Variants in CXCL10 observed in about 807,000 individuals in gnomAD.
CXCL10 encodes C-X-C motif chemokine 10.
In CXCL10, 6 loss-of-function variants were observed where a neutral mutation model predicts 10.8. The observed-to-expected ratio is 0.55, with a 90% CI of 0.30 to 1.09. The LOEUF is 1.09. Ranked by LOEUF, CXCL10 falls within the 50% of genes least tolerant of loss-of-function variation. CXCL10 has a pLI of 0.06. For synonymous variants in CXCL10, 35 were observed against 35.8 expected, an observed-to-expected ratio of 0.98 and a Z score of 0.08; for missense variants, 114 against 114.3, an observed-to-expected ratio of 1.00 and a Z score of 0.01.
Position 76,022,471 on chromosome 4 carries a change from G to T in CXCL10, c.189-16C>A. ...CATTGTAGCACTGTAGAAATAAATA[G>T]GGATGAAAATATTTAAAACTGTGTT... On this transcript the variant is annotated splice_polypyrimidine_tract_variant and intron_variant, in intron 2 of 3. Transcript: ENST00000306602. 1.2e-6 allele frequency: 2 copies of T among 1,604,790 alleles called. No homozygotes were observed. The highest frequency in any genetic ancestry group is 1.7e-6 in the Non-Finnish European group (2 of 1,174,044).
rs1351932981 is a variant in CXCL10, at chr4:76,022,464, A to G, written c.189-9T>C. ...TCTTTTTCATTGTAGCACTGTAGAAATAAATAGGGATGAAAATATTTAAAA... is the reference window on the plus strand; with the variant it reads ...TCTTTTTCATTGTAGCACTGTAGAAGTAAATAGGGATGAAAATATTTAAAA... On this transcript the variant is annotated splice_polypyrimidine_tract_variant and intron_variant, in intron 2 of 3. Transcript: ENST00000306602. 1.2e-6 allele frequency: 2 copies of G among 1,608,784 alleles called. No individual in the cohort carries two copies. The highest frequency in any genetic ancestry group is 1.7e-6 in the Non-Finnish European group (2 of 1,177,054).
At position 76,023,489 on chromosome 4, in the gene CXCL10, G is replaced by A; in HGVS notation, c.-58C>T. 2.7e-6 allele frequency: 4 copies of A among 1,478,442 alleles called. No individual in the cohort carries two copies. Among genetic ancestry groups the A allele is most frequent in the Non-Finnish European group, 3.8e-6 (4 of 1,056,776 alleles). 91.6% of individuals were successfully genotyped at this position (1,478,442 alleles called of 1,614,324 possible). The stretch of plus-strand genomic sequence containing the variant: ...CTCAGAATATGTCTAAGCAATTGAG[G>A]AATGTCTCAGAAAACGTGGGGCTAG... On this transcript the variant is annotated 5_prime_UTR_variant, in exon 1 of 4. Transcript: ENST00000306602.
chr4:76,021,910 G>A lies in CXCL10; in HGVS notation c.*20C>T, dbSNP rs749053183. 4 of 1,608,974 alleles carry A rather than the reference G, an allele frequency of 2.5e-6. No individual in the cohort carries two copies. In the African/African-American group the frequency reaches 4.0e-5, roughly 16 times the overall value. On this transcript the variant is annotated 3_prime_UTR_variant, in exon 4 of 4. Coordinates refer to ENST00000306602, the MANE Select transcript of CXCL10 (RefSeq NM_001565.4). Reference sequence around the variant, plus strand: ...GGTCCATCCTTGGAAGCACTGCATCGATTTTGCTCCCCTCTGGTTTTAAGG... The same window carrying A: ...GGTCCATCCTTGGAAGCACTGCATCAATTTTGCTCCCCTCTGGTTTTAAGG...
In CXCL10 at chr4:76,022,759, A is replaced by G; in HGVS notation, c.120T>C (p.Val40=). The G allele has an allele frequency of 6.2e-7, 1 of 1,613,568 alleles. No homozygotes were observed. The highest frequency in any genetic ancestry group is 1.1e-5 in the South Asian group (1 of 91,074). The change falls in exon 2 of 4, where the codon GTT becomes GTC. Residue 40 remains valine, a synonymous_variant. Transcript: ENST00000306602. The part of the protein sequence containing the change: ...CTCISISNQP[V]NPRSLEKLEI... Reference sequence around the variant, plus strand: ...CAAGTTTTTCTAAAGACCTTGGATTAACAGGTTGATTACTAATGCTGATGC... The same window carrying G: ...CAAGTTTTTCTAAAGACCTTGGATTGACAGGTTGATTACTAATGCTGATGC...
intron 2 of CXCL10, 102 bp from the exon 3 acceptor site, chr4:76,022,557 A>G (rs1259186401): frequency 2.0e-6 from 3 of 1,480,156 alleles, no homozygotes; most frequent in Middle Eastern, 1.7e-4. Context: ...TTCACTCTGC[A>G]TGTTTTTGTT....
Position 76,022,769 on chromosome 4 carries a change from T to C in CXCL10, c.110A>G (p.Asn37Ser). ...TVRCTCISIS[N>S]QPVNPRSLEK... ...TAAAGACCTTGGATTAACAGGTTGATTACTAATGCTGATGCAGGTACAGCG... is the reference window on the plus strand; with the variant it reads ...TAAAGACCTTGGATTAACAGGTTGACTACTAATGCTGATGCAGGTACAGCG... The change falls in exon 2 of 4, where the codon AAT (asparagine) becomes AGT (serine). Residue 37 changes from asparagine (N) to serine (S), a missense_variant. Transcript: ENST00000306602. 1 of 1,613,270 alleles carries C rather than the reference T, an allele frequency of 6.2e-7. No homozygotes were observed. Among genetic ancestry groups the C allele is most frequent in the East Asian group, 2.2e-5 (1 of 44,870 alleles).
At position 76,021,707 on chromosome 4, in the gene CXCL10, C is replaced by A; in HGVS notation, c.*223G>T. On this transcript the variant is annotated 3_prime_UTR_variant, in exon 4 of 4. Coordinates refer to ENST00000306602, the MANE Select transcript of CXCL10 (RefSeq NM_001565.4). Reference sequence around the variant, plus strand: ...CTCAGTAGAGCTTACATTATAGTGCCAGGGTAGAGTTATTACTGAATAGCT... The same window carrying A: ...CTCAGTAGAGCTTACATTATAGTGCAAGGGTAGAGTTATTACTGAATAGCT... 1 of 557,264 alleles carries A rather than the reference C, an allele frequency of 1.8e-6. No individual in the cohort carries two copies. Among genetic ancestry groups the A allele is most frequent in the South Asian group, 2.5e-5 (1 of 39,838 alleles). 34.5% of individuals were successfully genotyped at this position (557,264 alleles called of 1,614,324 possible). A position where few individuals can be genotyped will look rare whatever the true frequency, so the allele number is the denominator to read the frequency against.
At chr4:76,022,890 A>G (rs968093016) in intron 1 of CXCL10, 73 bp from the exon 2 acceptor site, 15 of 1,499,442 alleles carry the variant, frequency 1.0e-5, no homozygotes, top group Non-Finnish European at 1.4e-5. Context: ...GACTGGTGGT[A>G]TTTAGCAGAA....
chr4:76,021,346 T>C lies in CXCL10; in HGVS notation c.*584A>G, dbSNP rs965094907. On this transcript the variant is annotated 3_prime_UTR_variant, in exon 4 of 4. Transcript: ENST00000306602. ...TGTACACTGAAAACAATATAGGAAA[T>C]ATATACATCTAAGACTTCTACTTTG... 1 of 152,466 alleles carries C rather than the reference T, an allele frequency of 6.6e-6. No individual in the cohort carries two copies. Among genetic ancestry groups the C allele is most frequent in the South Asian group, 2.1e-4 (1 of 4,844 alleles). The allele number at this position is 152,466 out of a possible 1,614,324, so 9.4% of individuals were successfully genotyped here.
Position 76,021,850 on chromosome 4 carries a change from A to G in CXCL10, c.*80T>C, listed in dbSNP as rs1233726539. 3.1e-6 allele frequency: 4 copies of G among 1,308,354 alleles called. No individual in the cohort carries two copies. Among genetic ancestry groups the G allele is most frequent in the Non-Finnish European group, 4.4e-6 (4 of 903,134 alleles). 81.0% of individuals were successfully genotyped at this position (1,308,354 alleles called of 1,614,324 possible). On this transcript the variant is annotated 3_prime_UTR_variant, in exon 4 of 4. Transcript: ENST00000306602. Reference sequence around the variant, plus strand: ...ACAATTATGGCTTGACATATACTCCATGTAGGGAAGTGATGGGAGAGGCAG... The same window carrying G: ...ACAATTATGGCTTGACATATACTCCGTGTAGGGAAGTGATGGGAGAGGCAG...
Position 76,022,618 on chromosome 4 carries a change from T to C in CXCL10, c.188+73A>G. ...CACAAACCCTTTACTGATCTTTTTT[T>C]ATTATCATTACATATTTAATACAGT... On this transcript the variant is annotated intron_variant, in intron 2 of 3. Coordinates refer to ENST00000306602, the MANE Select transcript of CXCL10 (RefSeq NM_001565.4). The C allele has an allele frequency of 2.1e-6, 3 of 1,442,984 alleles. No homozygotes were observed. The East Asian group carries it at 7.1e-5, about 34-fold the overall frequency. 89.4% of individuals were successfully genotyped at this position (1,442,984 alleles called of 1,614,324 possible).
Position 76,022,455 on chromosome 4 carries a change from A to C in CXCL10, c.189T>G (p.Ile63Met). Residue 63 changes from isoleucine to methionine, a missense_variant and splice_region_variant, in exon 3 of 4, where the codon ATT becomes ATG. Physicochemically the swap from Ile to Met is conservative, Grantham distance 10. Transcript: ENST00000306602. ...TCTCACCCTTCTTTTTCATTGTAGC[A>C]CTGTAGAAATAAATAGGGATGAAAA... ...ASQFCPRVEI[I>M]ATMKKKGEKR... The C allele has an allele frequency of 6.2e-7, 1 of 1,611,814 alleles. No homozygotes were observed. The highest frequency in any genetic ancestry group is 8.5e-7 in the Non-Finnish European group (1 of 1,179,178).
chr4:76,021,456 G>A lies in CXCL10; in HGVS notation c.*474C>T, dbSNP rs1045078030. 6 of 156,506 alleles carry A rather than the reference G, an allele frequency of 3.8e-5. No individual in the cohort carries two copies. The highest frequency in any genetic ancestry group is 1.4e-4 in the African/African-American group (6 of 41,554). 9.7% of individuals were successfully genotyped at this position (156,506 alleles called of 1,614,324 possible). A position where few individuals can be genotyped will look rare whatever the true frequency, so the allele number is the denominator to read the frequency against. ...TGTATGTGTTTGGAATTGTATGTAG[G>A]TAGCCACTGAAAGAATTTGGGCCCC... On this transcript the variant is annotated 3_prime_UTR_variant, in exon 4 of 4. Transcript: ENST00000306602.
chr4:76,023,103 C>T (rs547183483), intron 1 of CXCL10, among the ~76,000 whole-genome samples: 4 of 152,096 alleles, frequency 2.6e-5, no homozygotes, highest in Admixed American at 6.6e-5. Flanking sequence ...CATCTCTGTC[C>T]GCATTCCCTC....
At position 76,021,853 on chromosome 4, in the gene CXCL10, T is replaced by C; in HGVS notation, c.*77A>G. On this transcript the variant is annotated 3_prime_UTR_variant, in exon 4 of 4. Transcript: ENST00000306602. ...ATTATGGCTTGACATATACTCCATG[T>C]AGGGAAGTGATGGGAGAGGCAGCCT... The C allele has an allele frequency of 1.5e-6, 2 of 1,327,700 alleles. No homozygotes were observed. Among genetic ancestry groups the C allele is most frequent in the South Asian group, 1.2e-5 (1 of 84,922 alleles). 82.2% of individuals were successfully genotyped at this position (1,327,700 alleles called of 1,614,324 possible). A position where few individuals can be genotyped will look rare whatever the true frequency, so the allele number is the denominator to read the frequency against.
chr4:76,022,618 T>A, intron 2 of CXCL10, 73 bp downstream of exon 2: 1 of 1,442,984 alleles, frequency 6.9e-7, no homozygotes, highest in Non-Finnish European at 9.5e-7. Flanking sequence ...GATCTTTTTT[T>A]ATTATCATTA....
intron 2 of CXCL10, 27 bp downstream of exon 2, chr4:76,022,664 G>A: frequency 1.9e-6 from 3 of 1,610,470 alleles, no homozygotes; most frequent in Non-Finnish European, 2.5e-6. Flanking sequence ...AACCAGGGAA[G>A]TGATAATCAG....
At chr4:76,023,277 A>C in intron 1 of CXCL10, 94 bp downstream of exon 1, 1 of 988,924 alleles carries the variant, frequency 1.0e-6, no homozygotes, top group Middle Eastern at 2.1e-4. Flanking sequence ...GCATGCAGTG[A>C]AACTTTTACA....
At chr4:76,022,581 T>A in intron 2 of CXCL10, 110 bp downstream of exon 2, 1 of 1,483,554 alleles carries the variant, frequency 6.7e-7, no homozygotes, top group South Asian at 1.2e-5. Context: ...TGTACATTAG[T>A]TTTAGAATCA....
Sources: allele counts gnomAD v4.1 joint callset (sites outside exome capture counted in the v4.1 genomes callset), GRCh38; gene constraint gnomAD v4.1.1; transcripts MANE v1.5; gene names NCBI Gene and HGNC (gene_info 2026-07-23, HGNC 2026-07-21).